Variants in ECSCR observed in about 807,000 individuals in gnomAD.
ECSCR encodes the protein endothelial cell-specific chemotaxis regulator.
Under a neutral mutation model 16.7 loss-of-function variants are expected in ECSCR, and 12 were observed. That is an observed-to-expected ratio of 0.72 (90% CI 0.46 to 1.17). The LOEUF (loss-of-function observed/expected upper bound fraction) is 1.17, where lower values mean the gene tolerates loss of function less well. Among genes scored for constraint, ECSCR ranks in the 50% most tolerant of loss-of-function variants. The pLI, the probability that ECSCR is intolerant of heterozygous loss-of-function variation, is 0.00. For synonymous variants in ECSCR, 44 were observed against 42.2 expected, an observed-to-expected ratio of 1.04 and a Z score of -0.17; for missense variants, 122 against 116.1, an observed-to-expected ratio of 1.05 and a Z score of -0.23.
At position 139,455,814 on chromosome 5, in the gene ECSCR, TAAAAAAA is replaced by T. The variant is rs1187505493; in HGVS notation, c.263-385_263-379del. On this transcript the variant is annotated intron_variant, in intron 5 of 9. Coordinates refer to ENST00000618155, the MANE Select transcript of ECSCR (RefSeq NM_001077693.4). The stretch of plus-strand genomic sequence containing the variant: ...CAACATGGTGAAACCCCATCTCTCC[TAAAAAAA>T]AAAAAAAAAAAAAAAAAAAAGACCG... 4.3e-4 allele frequency among the ~76,000 whole-genome samples: 21 copies of T among 49,092 alleles called. No individual in the cohort carries two copies. In the East Asian group the frequency reaches 0.011, roughly 27 times the overall value. The allele number at this position is 49,092 out of a possible 152,430, so 32.2% of individuals were successfully genotyped here.
At chr5:139,459,804 C>T (rs1751251800) in intron 1 of ECSCR, among the ~76,000 whole-genome samples, 2 of 152,196 alleles carry the variant, frequency 1.3e-5, no homozygotes, top group South Asian at 4.1e-4. Flanking sequence ...GGGGCCCACC[C>T]CAGCCTGTGG....
chr5:139,457,968 A>G (rs1280490493), intron 2 of ECSCR, 161 bp from the exon 3 acceptor site: 1 of 609,854 alleles, frequency 1.6e-6, no homozygotes, highest in African/African-American at 2.0e-5. Flanking sequence ...AGACTCAGCT[A>G]GGCTGAAAAA....
chr5:139,460,780 C>G (rs550265020), intron 1 of ECSCR, among the ~76,000 whole-genome samples: 5 of 152,138 alleles, frequency 3.3e-5, no homozygotes, highest in Non-Finnish European at 7.3e-5. Context: ...CTCTCTAATT[C>G]TGTCTGCTTT....
At chr5:139,459,972 G>A (rs977899009) in intron 1 of ECSCR, among the ~76,000 whole-genome samples, 2 of 152,180 alleles carry the variant, frequency 1.3e-5, no homozygotes, top group Admixed American at 6.5e-5. Flanking sequence ...TCCCTTGTTG[G>A]CGAGAGGGGG....
intron 4 of ECSCR, among the ~76,000 whole-genome samples, chr5:139,456,742 C>T (rs953398817): frequency 1.3e-5 from 2 of 152,190 alleles, no homozygotes; most frequent in Admixed American, 1.3e-4. Context: ...TCGTTGTGAC[C>T]AGGCCCAAGG....
intron 1 of ECSCR, among the ~76,000 whole-genome samples, chr5:139,460,206 G>A (rs1751265030): frequency 6.6e-6 from 1 of 151,800 alleles, no homozygotes; most frequent in South Asian, 2.1e-4. Context: ...CGCGATCTCA[G>A]CTCACTGCAA....
rs1751160707 is a variant in ECSCR at position 139,456,460 on chromosome 5, G to A, written c.262+14C>T. Reference sequence around the variant, plus strand: ...CTGCCGACTTCTCTTCAGGGCGAGTGCAGCAGGACATACCTCTGCTTGTGC... The same window carrying A: ...CTGCCGACTTCTCTTCAGGGCGAGTACAGCAGGACATACCTCTGCTTGTGC... On this transcript the variant is annotated intron_variant, in intron 5 of 9. Transcript: ENST00000618155. The A allele has an allele frequency of 2.5e-6, 1 of 398,510 alleles. No homozygotes were observed. 24.7% of individuals were successfully genotyped at this position (398,510 alleles called of 1,614,324 possible).
intron 1 of ECSCR, among the ~76,000 whole-genome samples, chr5:139,458,528 AAAAAAGAAAG>A (rs1751219222): frequency 7.1e-6 from 1 of 141,270 alleles, no homozygotes; most frequent in African/African-American, 2.6e-5. Context: ...AAAAAAAAAA[AAAAAAGAAAG>A]AAAAAGAAAA....
intron 1 of ECSCR, among the ~76,000 whole-genome samples, chr5:139,460,511 C>G (rs1751275674): frequency 6.6e-6 from 1 of 152,142 alleles, no homozygotes; most frequent in Admixed American, 6.6e-5. Context: ...AGGGAACTGC[C>G]TTCCTGCATT....
In ECSCR at chr5:139,448,876, A is replaced by C. The variant is rs1750966152; in HGVS notation, c.*24T>G. The C allele has an allele frequency of 2.0e-6, 3 of 1,537,136 alleles. No homozygotes were observed. In the East Asian group the frequency reaches 7.3e-5, roughly 38 times the overall value. On this transcript the variant is annotated 3_prime_UTR_variant, in exon 10 of 10. Transcript: ENST00000618155. ...CACAGGGCAGCTGCATCATCCTTGG[A>C]CTCATGGGGACCCAAAGTTGCTTTT...
chr5:139,458,086 T>TTCCTAAGCTCCTAGGCCTAC, intron 2 of ECSCR, 53 bp downstream of exon 2: 1 of 1,526,514 alleles, frequency 6.6e-7, no homozygotes, highest in Non-Finnish European at 8.9e-7. Flanking sequence ...CCTCTCACCC[T>TTCCTAAGCTCCTAGGCCTAC]TCCTAAGCTC....
At chr5:139,459,821 G>A (rs983225819) in intron 1 of ECSCR, among the ~76,000 whole-genome samples, 1 of 152,238 alleles carries the variant, frequency 6.6e-6, no homozygotes, top group Non-Finnish European at 1.5e-5. Flanking sequence ...GTGGCAACCT[G>A]CTGCTCTGCT....
intron 2 of ECSCR, 63 bp downstream of exon 2, chr5:139,458,076 C>T: frequency 6.7e-7 from 1 of 1,503,474 alleles, no homozygotes; most frequent in Non-Finnish European, 9.0e-7. Flanking sequence ...GCATAGAGCT[C>T]CTCTCACCCT....
chr5:139,450,441 T>G (rs577996078), intron 8 of ECSCR, among the ~76,000 whole-genome samples: 1 of 143,100 alleles, frequency 7.0e-6, no homozygotes, highest in Non-Finnish European at 1.5e-5. Flanking sequence ...TTGGCATCAC[T>G]GCACTCCAGC....
At chr5:139,449,227 G>C (rs1416543904) in intron 8 of ECSCR, 53 bp from the exon 9 acceptor site, 2 of 1,322,486 alleles carry the variant, frequency 1.5e-6, no homozygotes, top group African/African-American at 2.9e-5. Flanking sequence ...AGGGCAATGG[G>C]GAGTCAAGGA....
At chr5:139,451,498 G>C (rs1466807125) in intron 8 of ECSCR, among the ~76,000 whole-genome samples, 1 of 148,880 alleles carries the variant, frequency 6.7e-6, no homozygotes, top group African/African-American at 2.5e-5. Flanking sequence ...GTTTGGGTGG[G>C]TGTGTGGTGT....
rs536566141 is a variant in ECSCR, at chr5:139,448,881, T to C, written c.*19A>G. The stretch of plus-strand genomic sequence containing the variant: ...GGCAGCTGCATCATCCTTGGACTCA[T>C]GGGGACCCAAAGTTGCTTTTAAAGA... On this transcript the variant is annotated 3_prime_UTR_variant, in exon 10 of 10. Transcript: ENST00000618155. The C allele has an allele frequency of 5.2e-6, 8 of 1,537,218 alleles. No homozygotes were observed. The South Asian group carries it at 7.1e-5, about 14-fold the overall frequency.
At chr5:139,456,387 A>T in intron 5 of ECSCR, 87 bp downstream of exon 5, 2 of 397,240 alleles carry the variant, frequency 5.0e-6, no homozygotes, top group African/African-American at 2.1e-5. Flanking sequence ...AGAATAAAAA[A>T]ATCTGAGAGC....
rs777720653 is a variant in ECSCR, at chr5:139,448,890, A to C, written c.*10T>G. ...ATCATCCTTGGACTCATGGGGACCC[A>C]AAGTTGCTTTTAAAGAACCTGCAAA... On this transcript the variant is annotated 3_prime_UTR_variant, in exon 10 of 10. Coordinates refer to ENST00000618155, the MANE Select transcript of ECSCR (RefSeq NM_001077693.4). 8 of 1,537,258 alleles carry C rather than the reference A, an allele frequency of 5.2e-6. No individual in the cohort carries two copies. The South Asian group carries it at 7.1e-5, about 14-fold the overall frequency.
Sources: gnomAD v4.1 joint callset for allele counts (sites outside exome capture counted in the v4.1 genomes callset) on GRCh38, gnomAD v4.1.1 for gene constraint, MANE v1.5 for transcripts, NCBI Gene and HGNC (gene_info 2026-07-23, HGNC 2026-07-21) for gene names.